Variants in DENND3 observed in about 807,000 individuals in gnomAD.
The protein encoded by DENND3 is DENN domain containing 3, also known as DENN domain-containing protein 3.
Under a neutral mutation model 135.1 loss-of-function variants are expected in DENND3, and 88 were observed. That is an observed-to-expected ratio of 0.65 (90% CI 0.55 to 0.78). DENND3 has a LOEUF of 0.78. Among genes scored for constraint, DENND3 ranks in the 30% least tolerant of loss-of-function variants. The pLI is 0.00. For synonymous variants in DENND3, 693 were observed against 712.3 expected (o/e 0.97, Z 0.43); for missense variants, 1,392 against 1,688.4 (o/e 0.82, Z 3.08).
At chr8:141,149,254 G>T (rs924095504) in intron 5 of DENND3, among the ~76,000 whole-genome samples, 1 of 152,190 alleles carries the variant, frequency 6.6e-6, no homozygotes, top group East Asian at 1.9e-4. Context: ...TACACAAATT[G>T]GTAACAAGAA....
chr8:141,150,577 C>T (rs1818676586), intron 5 of DENND3, among the ~76,000 whole-genome samples: 1 of 152,194 alleles, frequency 6.6e-6, no homozygotes, highest in Non-Finnish European at 1.5e-5. Context: ...GAGTAGTTTG[C>T]TGATTAATTA....
chr8:141,164,544 T>G (rs911678704), intron 10 of DENND3, among the ~76,000 whole-genome samples: 1 of 152,218 alleles, frequency 6.6e-6, no homozygotes, highest in Non-Finnish European at 1.5e-5. Context: ...CCTTGGCTGT[T>G]GGGAGCGTGA....
In DENND3 at chr8:141,139,939, G is replaced by A. The variant is rs112720579; in HGVS notation, c.502-1264G>A. 1.3e-5 allele frequency among the ~76,000 whole-genome samples: 2 copies of A among 149,988 alleles called. No individual in the cohort carries two copies. Among genetic ancestry groups the A allele is most frequent in the East Asian group, 2.0e-4 (1 of 5,124 alleles). Reference sequence around the variant, plus strand: ...TCTTTTTTTTTTTTGAGACAGTCTCGCTGTGTCACCCAGGCTTTAGTGCAG... The same window carrying A: ...TCTTTTTTTTTTTTGAGACAGTCTCACTGTGTCACCCAGGCTTTAGTGCAG... On this transcript the variant is annotated intron_variant, in intron 3 of 22. Transcript: ENST00000519811. This position sits in a 1 kb window ranked among gnomAD's most constrained non-coding sequence, Gnocchi z 4.2.
rs965510479 is a variant in DENND3, at chr8:141,139,235, T to G, written c.501+1098T>G. ...CGGAGCCCGGGACACGTGTTTTTGT[T>G]GGTAGAAGCGTGCTTACACATGTGA... On this transcript the variant is annotated intron_variant, in intron 3 of 22. Coordinates refer to ENST00000519811, the MANE Select transcript of DENND3 (RefSeq NM_001352890.3). This position sits in a 1 kb window ranked among gnomAD's most constrained non-coding sequence, Gnocchi z 4.2. Among the ~76,000 whole-genome samples, 2 of 152,156 alleles carry G rather than the reference T, an allele frequency of 1.3e-5. No homozygotes were observed. The highest frequency in any genetic ancestry group is 4.8e-5 in the African/African-American group (2 of 41,430).
At chr8:141,192,871 C>G (rs1192281506) in intron 22 of DENND3, 2 of 1,520,208 alleles carry the variant, frequency 1.3e-6, no homozygotes, top group African/African-American at 2.7e-5. Context: ...TCCAAGCACT[C>G]CACAGCGCAT....
chr8:141,167,017 C>A lies in DENND3; in HGVS notation c.1753+628C>A, dbSNP rs1173458475. ...CTGCTGCTGCTGTCTCGGGCCCAGG[C>A]AGCAAGTACCATGTGGCTCCTCCTG... On this transcript the variant is annotated intron_variant, in intron 12 of 22. Coordinates refer to ENST00000519811, the MANE Select transcript of DENND3 (RefSeq NM_001352890.3). The surrounding 1 kb of genome is among the most constrained non-coding windows in gnomAD (Gnocchi z 4.1). 2.0e-5 allele frequency among the ~76,000 whole-genome samples: 3 copies of A among 152,202 alleles called. No individual in the cohort carries two copies. The highest frequency in any genetic ancestry group is 6.5e-5 in the Admixed American group (1 of 15,280).
intron 16 of DENND3, among the ~76,000 whole-genome samples, chr8:141,180,516 T>G (rs1822955309): frequency 6.6e-6 from 1 of 151,844 alleles, no homozygotes; most frequent in Non-Finnish European, 1.5e-5. Context: ...TGGACACAGG[T>G]GGGGGATGCG....
chr8:141,131,320 C>T (rs973037446), intron 1 of DENND3, among the ~76,000 whole-genome samples: 1 of 152,170 alleles, frequency 6.6e-6, no homozygotes, highest in Admixed American at 6.5e-5. Flanking sequence ...ATTATAAATC[C>T]ATCACACAGG....
At chr8:141,180,676 C>T (rs1009964241) in intron 16 of DENND3, 71 bp from the exon 17 acceptor site, 25 of 1,368,786 alleles carry the variant, frequency 1.8e-5, no homozygotes, top group Non-Finnish European at 2.4e-5. Context: ...AATCAGAGTG[C>T]GTGAGGCCGT....
Position 141,128,653 on chromosome 8 carries a change from C to G in DENND3, c.-55C>G, listed in dbSNP as rs1471787867. 2 of 1,184,514 alleles carry G rather than the reference C, an allele frequency of 1.7e-6. No individual in the cohort carries two copies. Among genetic ancestry groups the G allele is most frequent in the Non-Finnish European group, 2.2e-6 (2 of 929,164 alleles). 73.4% of individuals were successfully genotyped at this position (1,184,514 alleles called of 1,614,324 possible). A position where few individuals can be genotyped will look rare whatever the true frequency, so the allele number is the denominator to read the frequency against. ...CGGCTGGTCCCCAGGGGTCTGCGGG[C>G]GACTGCGCGGCTGAGGCGCCCGAGT... On this transcript the variant is annotated 5_prime_UTR_variant, in exon 1 of 23. Coordinates refer to ENST00000519811, the MANE Select transcript of DENND3 (RefSeq NM_001352890.3). This position sits in a 1 kb window ranked among gnomAD's most constrained non-coding sequence, Gnocchi z 4.5.
intron 5 of DENND3, among the ~76,000 whole-genome samples, chr8:141,149,233 G>A (rs1340017498): frequency 6.6e-6 from 1 of 152,120 alleles, no homozygotes; most frequent in East Asian, 1.9e-4. Context: ...TTTTAACATG[G>A]CTTGCTTCTG....
At chr8:141,176,993 C>A in intron 15 of DENND3, 1 of 530,184 alleles carries the variant, frequency 1.9e-6, no homozygotes, top group Non-Finnish European at 3.3e-6. Flanking sequence ...AAACGCAGGG[C>A]GGTCTGGGCA....
At chr8:141,153,604 G>A (rs749093908) in intron 7 of DENND3, among the ~76,000 whole-genome samples, 1 of 152,204 alleles carries the variant, frequency 6.6e-6, no homozygotes, top group Non-Finnish European at 1.5e-5. Context: ...TCCCCGCTGC[G>A]GGGGAGAACA....
At position 141,181,783 on chromosome 8, in the gene DENND3, T is replaced by A. The variant is rs1393457634; in HGVS notation, c.2944+929T>A. Among the ~76,000 whole-genome samples the A allele has an allele frequency of 1.3e-5, 2 of 151,860 alleles. 1 individual carries two copies. Among genetic ancestry groups the A allele is most frequent in the Non-Finnish European group, 2.9e-5 (2 of 68,016 alleles). On this transcript the variant is annotated intron_variant, in intron 17 of 22. Transcript: ENST00000519811. ...ATTTGTATTTTTTGTGTATTTTTTA[T>A]TTTTTTGAGTCAGGGTCTTGCTCTG...
chr8:141,155,317 C>A (rs1161250515), intron 7 of DENND3, among the ~76,000 whole-genome samples: 2 of 152,106 alleles, frequency 1.3e-5, no homozygotes, highest in Non-Finnish European at 2.9e-5. Context: ...CATATTTAAT[C>A]AAATTTAGCC....
At position 141,130,281 on chromosome 8, in the gene DENND3, A is replaced by G. The variant is rs1055308025; in HGVS notation, c.102+1472A>G. On this transcript the variant is annotated intron_variant, in intron 1 of 22. Coordinates refer to ENST00000519811, the MANE Select transcript of DENND3 (RefSeq NM_001352890.3). The surrounding 1 kb of genome is among the most constrained non-coding windows in gnomAD (Gnocchi z 4.2). ...GAGGAGGTCTCACTGTGTTGCCCAG[A>G]CTCATCTCCAATTCCTGAGCTCAAG... Among the ~76,000 whole-genome samples, 8 of 151,804 alleles carry G rather than the reference A, an allele frequency of 5.3e-5. No homozygotes were observed. The highest frequency in any genetic ancestry group is 8.8e-5 in the Non-Finnish European group (6 of 67,952).
chr8:141,188,595 C>T lies in DENND3; in HGVS notation c.3085-391C>T, dbSNP rs916863255. 13 of 170,274 alleles carry T rather than the reference C, an allele frequency of 7.6e-5. No individual in the cohort carries two copies. The South Asian group carries it at 1.7e-3, about 22-fold the overall frequency. The allele number at this position is 170,274 out of a possible 1,614,324, so 10.5% of individuals were successfully genotyped here. A position where few individuals can be genotyped will look rare whatever the true frequency, so the allele number is the denominator to read the frequency against. ...CACAGTTTTCACATTTTTTGCTTTT[C>T]GTTGGTGATTTTGCCATTTAAGAAA... On this transcript the variant is annotated intron_variant, in intron 18 of 22. Coordinates refer to ENST00000519811, the MANE Select transcript of DENND3 (RefSeq NM_001352890.3).
chr8:141,176,615 T>C lies in DENND3; in HGVS notation c.2560T>C (p.Phe854Leu). ...IEEVRRTTTT[F>L]LLRRIPTLKI... is the part of the protein sequence containing the mutation. ...GGAGGTCAGGAGAACCACTACTACATTTCTACTTCGGAGAATACCCACTTT... is the reference window on the plus strand; with the variant it reads ...GGAGGTCAGGAGAACCACTACTACACTTCTACTTCGGAGAATACCCACTTT... Residue 854 changes from phenylalanine (F) to leucine (L), a missense_variant, in exon 15 of 23, where the codon TTT (phenylalanine) becomes CTT (leucine). By Grantham distance (22) the Phe-to-Leu change is conservative (BLOSUM62 0). Transcript: ENST00000519811. 1 of 1,614,246 alleles carries C rather than the reference T, an allele frequency of 6.2e-7. No individual in the cohort carries two copies. Among genetic ancestry groups the C allele is most frequent in the Non-Finnish European group, 8.5e-7 (1 of 1,180,048 alleles).
At position 141,168,435 on chromosome 8, in the gene DENND3, C is replaced by T; in HGVS notation, c.2185C>T (p.Gln729Ter). Residue 729 changes from glutamine (Q) to a stop codon, truncating the protein, a stop_gained, in exon 13 of 23, where the codon CAG (glutamine) becomes TAG (stop). Coordinates refer to ENST00000519811, the MANE Select transcript of DENND3 (RefSeq NM_001352890.3). LOFTEE classifies it high-confidence loss of function. The surrounding 1 kb of genome is among the most constrained non-coding windows in gnomAD (Gnocchi z 6.2). ...GTTCAAGCTGCCCAAGAAGCACATG[C>T]AGCTGGGCGACTTCATGAAGCGGGT... ...KKFKLPKKHM[Q>*]LGDFMKRVQE... 6.2e-7 allele frequency: 1 copy of T among 1,613,854 alleles called. No individual in the cohort carries two copies.
Sources: allele counts gnomAD v4.1 joint callset (sites outside exome capture counted in the v4.1 genomes callset), GRCh38; gene constraint gnomAD v4.1.1; non-coding constraint Gnocchi (gnomAD v3.1); transcripts MANE v1.5; gene names NCBI Gene and HGNC (gene_info 2026-07-23, HGNC 2026-07-21).